MAGI3: variants seen among roughly 807,000 people sequenced by gnomAD.
MAGI3 encodes the protein membrane-associated guanylate kinase, WW and PDZ domain-containing protein 3.
Under a neutral mutation model 121.8 loss-of-function variants are expected in MAGI3, and 43 were observed. The observed-to-expected ratio is 0.35, with a 90% CI of 0.28 to 0.46. MAGI3 has a LOEUF of 0.46. Ranked by LOEUF, MAGI3 falls within the 20% of genes least tolerant of loss-of-function variation. The pLI, the probability that MAGI3 is intolerant of heterozygous loss-of-function variation, is 1.00. For synonymous variants in MAGI3, 553 were observed against 639.3 expected, an observed-to-expected ratio of 0.86 and a Z score of 2.04; for missense variants, 1,547 against 1,797.3, an observed-to-expected ratio of 0.86 and a Z score of 2.52.
At chr1:113,516,096 G>T (rs575148275) in intron 1 of MAGI3, among the ~76,000 whole-genome samples, 1 of 151,966 alleles carries the variant, frequency 6.6e-6, no homozygotes, top group African/African-American at 2.4e-5. Context: ...TCCAACAGAA[G>T]AGTGAACTCA....
intron 1 of MAGI3, among the ~76,000 whole-genome samples, chr1:113,519,326 T>TG (rs1208089776): frequency 6.6e-6 from 1 of 152,154 alleles, no homozygotes; most frequent in Non-Finnish European, 1.5e-5. Flanking sequence ...ATGAGGGAAG[T>TG]CTATAGTAAC....
At chr1:113,674,330 C>T (rs1221140801) in intron 19 of MAGI3, among the ~76,000 whole-genome samples, 3 of 146,438 alleles carry the variant, frequency 2.0e-5, no homozygotes, top group East Asian at 2.1e-4. Context: ...AGGCAGAGGT[C>T]GGAGTGTGCC....
chr1:113,576,660 G>C (rs528608390), intron 2 of MAGI3: 1 of 152,298 alleles, frequency 6.6e-6, no homozygotes, highest in Admixed American at 6.5e-5. Flanking sequence ...ACAGAGAAAT[G>C]GGGAAAGACT....
chr1:113,592,909 G>A (rs1283456443), intron 5 of MAGI3, among the ~76,000 whole-genome samples: 1 of 152,162 alleles, frequency 6.6e-6, no homozygotes, highest in Non-Finnish European at 1.5e-5. Flanking sequence ...CTACTCGGGA[G>A]GCTGAGGCAG....
At chr1:113,479,217 G>A (rs538210065) in intron 1 of MAGI3, among the ~76,000 whole-genome samples, 16 of 152,302 alleles carry the variant, frequency 1.1e-4, no homozygotes, top group South Asian at 2.1e-4. Flanking sequence ...GTGAGGTGAC[G>A]TCTCGCCCTC....
chr1:113,611,983 C>G (rs1403108439), intron 6 of MAGI3, among the ~76,000 whole-genome samples: 1 of 94,216 alleles, frequency 1.1e-5, no homozygotes, highest in Non-Finnish European at 2.3e-5. Context: ...CTCGGTCTAT[C>G]ACCAGGCTGG....
At chr1:113,528,985 A>G (rs1476292772) in intron 1 of MAGI3, among the ~76,000 whole-genome samples, 1 of 152,114 alleles carries the variant, frequency 6.6e-6, no homozygotes, top group Non-Finnish European at 1.5e-5. Flanking sequence ...ATTTGTTTCT[A>G]CTTGTTTTCG....
At chr1:113,393,917 A>G (rs1277268248) in intron 1 of MAGI3, among the ~76,000 whole-genome samples, 3 of 152,226 alleles carry the variant, frequency 2.0e-5, no homozygotes, top group East Asian at 1.9e-4. Flanking sequence ...TATTCATAAC[A>G]TGACATTTAG....
chr1:113,572,668 A>G lies in MAGI3; in HGVS notation c.434-7874A>G, dbSNP rs191239814. ...TTTATCCATTTCTTCTAGATTTTCT[A>G]GTTTATTTGTATAGAGGCATTTATG... is the stretch of plus-strand genomic sequence containing the variant. On this transcript the variant is annotated intron_variant, in intron 2 of 20. Coordinates refer to ENST00000307546, the MANE Select transcript of MAGI3 (RefSeq NM_001142782.2). Among the ~76,000 whole-genome samples the G allele has an allele frequency of 2.5e-3, 387 of 152,218 alleles. 3 individuals are homozygous for G. The highest frequency in any genetic ancestry group is 5.2e-3 in the Admixed American group (80 of 15,292).
At chr1:113,400,337 T>C (rs1651335367) in intron 1 of MAGI3, among the ~76,000 whole-genome samples, 1 of 152,178 alleles carries the variant, frequency 6.6e-6, no homozygotes, top group South Asian at 2.1e-4. Flanking sequence ...ATATATGCCA[T>C]GCACAGTAGG....
intron 1 of MAGI3, among the ~76,000 whole-genome samples, chr1:113,510,302 G>A (rs1178794756): frequency 2.7e-5 from 4 of 150,904 alleles, no homozygotes; most frequent in African/African-American, 9.8e-5. Flanking sequence ...CATAAGAACA[G>A]TAGGCATTTA....
At chr1:113,538,744 C>T (rs1026655772) in intron 1 of MAGI3, among the ~76,000 whole-genome samples, 2 of 152,084 alleles carry the variant, frequency 1.3e-5, no homozygotes, top group African/African-American at 4.8e-5. Flanking sequence ...TGATTTCCAT[C>T]TTATTTTTCA....
chr1:113,440,358 T>C (rs1653849705), intron 1 of MAGI3, among the ~76,000 whole-genome samples: 1 of 152,218 alleles, frequency 6.6e-6, no homozygotes, highest in Non-Finnish European at 1.5e-5. Flanking sequence ...AGTTTGGAGA[T>C]AGTCTTCAAT....
chr1:113,683,977 T>A lies in MAGI3; in HGVS notation c.4409T>A (p.Val1470Asp), dbSNP rs201876414. Reference sequence around the variant, plus strand: ...TGGAAGGTTCCAAGTGGAAATAAAGTCACAGGCACTATTGGTATGGCTGAG... The same window carrying A: ...TGGAAGGTTCCAAGTGGAAATAAAGACACAGGCACTATTGGTATGGCTGAG... The part of the protein sequence containing the change: ...GPWKVPSGNK[V>D]TGTIGMAEKR... The change falls in exon 21 of 21, where the codon GTC (valine) becomes GAC (aspartate). Residue 1470 changes from valine (V) to aspartate (D), a missense_variant. Physicochemically the swap from Val to Asp is radical, Grantham distance 152. Transcript: ENST00000307546. The A allele has an allele frequency of 1.9e-5, 31 of 1,595,466 alleles. No homozygotes were observed. The African/African-American group carries it at 4.1e-4, about 21-fold the overall frequency.
intron 8 of MAGI3, among the ~76,000 whole-genome samples, chr1:113,620,808 A>G (rs1404292908): frequency 6.6e-6 from 1 of 152,186 alleles, no homozygotes; most frequent in African/African-American, 2.4e-5. Flanking sequence ...CAGCTGTGTA[A>G]TCTTGGGTAC....
At chr1:113,413,868 A>T (rs560036137) in intron 1 of MAGI3, among the ~76,000 whole-genome samples, 34 of 151,994 alleles carry the variant, frequency 2.2e-4, no homozygotes, top group Non-Finnish European at 4.3e-4. Flanking sequence ...GATACCCTTT[A>T]TTTCTTTCTC....
At position 113,646,660 on chromosome 1, in the gene MAGI3, A is replaced by G. The variant is rs1245710786; in HGVS notation, c.2155+18A>G. On this transcript the variant is annotated intron_variant, in intron 12 of 20. Coordinates refer to ENST00000307546, the MANE Select transcript of MAGI3 (RefSeq NM_001142782.2). ...AGATAAACGTAAGTAGTTGTGGAAT[A>G]TTTCAGGAGAGCATATAACAAGATA... is the stretch of plus-strand genomic sequence containing the variant. 1 of 1,563,106 alleles carries G rather than the reference A, an allele frequency of 6.4e-7. No homozygotes were observed. Among genetic ancestry groups the G allele is most frequent in the African/African-American group, 1.4e-5 (1 of 72,944 alleles).
intron 1 of MAGI3, among the ~76,000 whole-genome samples, chr1:113,416,349 T>C (rs866648290): frequency 0.11 from 12,767 of 118,624 alleles, 1,566 homozygotes; most frequent in Non-Finnish European, 0.16. Context: ...ATATATTAAT[T>C]ATATATTAAT....
At chr1:113,544,532 C>CA (rs1159260478) in intron 1 of MAGI3, among the ~76,000 whole-genome samples, 1 of 152,146 alleles carries the variant, frequency 6.6e-6, no homozygotes, top group Non-Finnish European at 1.5e-5. Flanking sequence ...TATAGGTGTA[C>CA]AAAATGCCCT....
Sources: allele counts gnomAD v4.1 joint callset (sites outside exome capture counted in the v4.1 genomes callset), GRCh38; gene constraint gnomAD v4.1.1; transcripts MANE v1.5; gene names NCBI Gene and HGNC (gene_info 2026-07-23, HGNC 2026-07-21).